Variants in AGBL1 observed in about 807,000 individuals in gnomAD.
AGBL1 encodes AGBL carboxypeptidase 1.
Under a neutral mutation model 118.9 loss-of-function variants are expected in AGBL1, and 130 were observed. That is an observed-to-expected ratio of 1.09 (90% CI 0.95 to 1.26). The LOEUF (loss-of-function observed/expected upper bound fraction) is 1.26, where lower values mean the gene tolerates loss of function less well. AGBL1 is among the 50% of genes most tolerant of loss of function. AGBL1 has a pLI of 0.00. For synonymous variants in AGBL1, 555 were observed against 478.9 expected, an observed-to-expected ratio of 1.16 and a Z score of -2.08; for missense variants, 1,584 against 1,298.1, an observed-to-expected ratio of 1.22 and a Z score of -3.38.
At chr15:86,566,874 G>A (rs765108941) in intron 21 of AGBL1, among the ~76,000 whole-genome samples, 1 of 152,198 alleles carries the variant, frequency 6.6e-6, no homozygotes, top group Non-Finnish European at 1.5e-5. Context: ...CAGATGTAGA[G>A]TTCCAGGGAG....
At chr15:86,811,702 A>G (rs946669738) in intron 22 of AGBL1, among the ~76,000 whole-genome samples, 5 of 152,200 alleles carry the variant, frequency 3.3e-5, no homozygotes, top group African/African-American at 1.2e-4. Context: ...AACAGTCCCA[A>G]GATGTTTGAA....
intron 22 of AGBL1, among the ~76,000 whole-genome samples, chr15:86,692,208 A>G (rs978431620): frequency 6.6e-6 from 1 of 151,958 alleles, no homozygotes; most frequent in Non-Finnish European, 1.5e-5. Context: ...AAAAAAACCA[A>G]AAAAGCTGAC....
rs989872665 is a variant in AGBL1, at chr15:87,001,788, G to A, written c.3323+13700G>A. On this transcript the variant is annotated intron_variant, in intron 24 of 24. Coordinates refer to the AGBL1 transcript ENST00000441037. ...TGGCATAAATGTCGTCTTTTGAGAAGTGTCTGTTCATATCCTTGGCCCACT... is the reference window on the plus strand; with the variant it reads ...TGGCATAAATGTCGTCTTTTGAGAAATGTCTGTTCATATCCTTGGCCCACT... Among the ~76,000 whole-genome samples, 29 of 152,070 alleles carry A rather than the reference G, an allele frequency of 1.9e-4. 1 individual carries two copies. Among genetic ancestry groups the A allele is most frequent in the African/African-American group, 6.5e-4 (27 of 41,350 alleles).
chr15:86,758,002 G>A (rs1048186685), intron 22 of AGBL1, among the ~76,000 whole-genome samples: 6 of 152,084 alleles, frequency 3.9e-5, no homozygotes, highest in African/African-American at 1.4e-4. Flanking sequence ...AAAGCATGGA[G>A]GGGATCTCAA....
intron 21 of AGBL1, among the ~76,000 whole-genome samples, chr15:86,592,972 C>CGTTACT (rs1442150866): frequency 6.6e-6 from 1 of 152,114 alleles, no homozygotes; most frequent in Non-Finnish European, 1.5e-5. Flanking sequence ...CTAACTTCAT[C>CGTTACT]GTTACTTCAT....
intron 23 of AGBL1, among the ~76,000 whole-genome samples, chr15:86,967,135 C>T (rs1295518034): frequency 1.8e-4 from 27 of 151,872 alleles, no homozygotes; most frequent in African/African-American, 2.9e-4. Context: ...TTTTGAGAAG[C>T]GTCTGTTCAT....
At chr15:86,821,796 A>T (rs979196348) in intron 22 of AGBL1, among the ~76,000 whole-genome samples, 1 of 152,168 alleles carries the variant, frequency 6.6e-6, no homozygotes, top group African/African-American at 2.4e-5. Context: ...AGTGTTTCAC[A>T]CACCTTTAAG....
At chr15:86,935,992 G>A (rs969193620) in intron 23 of AGBL1, among the ~76,000 whole-genome samples, 3 of 152,218 alleles carry the variant, frequency 2.0e-5, no homozygotes, top group Non-Finnish European at 2.9e-5. Flanking sequence ...GACTTGTCCT[G>A]TCCTCGGCTG....
At chr15:86,214,791 C>T (rs974023660) in intron 5 of AGBL1, among the ~76,000 whole-genome samples, 3 of 152,162 alleles carry the variant, frequency 2.0e-5, no homozygotes, top group African/African-American at 7.2e-5. Flanking sequence ...AGAATGGGGC[C>T]CTCCCAGCCT....
intron 17 of AGBL1, among the ~76,000 whole-genome samples, chr15:86,362,079 T>C (rs900724933): frequency 6.6e-6 from 1 of 152,184 alleles, no homozygotes; most frequent in African/African-American, 2.4e-5. Flanking sequence ...GAGTCCTTTC[T>C]TTTTCTCTTT....
chr15:86,589,697 A>G (rs1347346417), intron 21 of AGBL1, among the ~76,000 whole-genome samples: 1 of 151,944 alleles, frequency 6.6e-6, no homozygotes, highest in African/African-American at 2.4e-5. Flanking sequence ...ATTTTGCCCC[A>G]TTTGTTTTAT....
chr15:86,354,744 C>A (rs1052702182), intron 17 of AGBL1, among the ~76,000 whole-genome samples: 4 of 152,004 alleles, frequency 2.6e-5, no homozygotes, highest in African/African-American at 7.3e-5. Context: ...CTTTACATAG[C>A]AAAGGAATTT....
chr15:86,962,398 T>C (rs1421595865), intron 23 of AGBL1, among the ~76,000 whole-genome samples: 1 of 152,098 alleles, frequency 6.6e-6, no homozygotes, highest in East Asian at 1.9e-4. Flanking sequence ...CATTAACATG[T>C]CTAAGATTCC....
At chr15:86,711,522 C>A (rs72763974) in intron 22 of AGBL1, among the ~76,000 whole-genome samples, 3 of 152,082 alleles carry the variant, frequency 2.0e-5, no homozygotes, top group East Asian at 3.9e-4. Flanking sequence ...GTAAGTCTTA[C>A]AAGAATATGA....
chr15:86,284,200 A>G (rs1002541453), intron 16 of AGBL1, among the ~76,000 whole-genome samples: 1 of 151,556 alleles, frequency 6.6e-6, no homozygotes, highest in Non-Finnish European at 1.5e-5. Flanking sequence ...ATAAAAAAAA[A>G]AAAACAAATG....
At chr15:86,136,430 T>G (rs2141625811) in intron 1 of AGBL1, among the ~76,000 whole-genome samples, 1 of 152,300 alleles carries the variant, frequency 6.6e-6, no homozygotes, top group African/African-American at 2.4e-5. Context: ...CATGTTGTAG[T>G]CTTTGTGAAC....
At chr15:86,434,690 T>C (rs919173475) in intron 18 of AGBL1, among the ~76,000 whole-genome samples, 6 of 152,204 alleles carry the variant, frequency 3.9e-5, no homozygotes, top group African/African-American at 7.2e-5. Flanking sequence ...CCCTCTATTT[T>C]TCTACCTGCT....
intron 24 of AGBL1, among the ~76,000 whole-genome samples, chr15:86,988,587 C>T (rs1225041743): frequency 1.3e-5 from 2 of 152,022 alleles, no homozygotes; most frequent in Non-Finnish European, 2.9e-5. Flanking sequence ...TTTCTTAATG[C>T]TATTACATAA....
chr15:86,827,449 GTATA>G lies in AGBL1; in HGVS notation c.3159-79621_3159-79618del, dbSNP rs1317318771. On this transcript the variant is annotated intron_variant, in intron 22 of 22. Transcript: ENST00000614907. ...TATATACACATATATATATGTGTGT[GTATA>G]TATATATATATATATACATATATAT... 1.2e-3 allele frequency among the ~76,000 whole-genome samples: 5 copies of G among 4,290 alleles called. 1 individual carries two copies. The highest frequency in any genetic ancestry group is 2.1e-3 in the Non-Finnish European group (5 of 2,362). The allele number at this position is 4,290 out of a possible 152,430, so 2.8% of individuals were successfully genotyped here. A position where few individuals can be genotyped will look rare whatever the true frequency, so the allele number is the denominator to read the frequency against.
Sources: allele counts gnomAD v4.1 joint callset (sites outside exome capture counted in the v4.1 genomes callset), GRCh38; gene constraint gnomAD v4.1.1; transcripts MANE v1.5; gene names NCBI Gene and HGNC (gene_info 2026-07-23, HGNC 2026-07-21).